The following CCDC57 variants were observed in gnomAD, a reference collection of about 807,000 sequenced individuals.
CCDC57 encodes the protein coiled-coil domain-containing protein 57.
CCDC57 carries 118 observed loss-of-function variants against 118.9 expected under a neutral mutation model. The observed-to-expected ratio is 0.99, with a 90% CI of 0.86 to 1.16. The LOEUF (loss-of-function observed/expected upper bound fraction) is 1.16. CCDC57 is among the 50% of genes most tolerant of loss of function. The pLI is 0.00. For synonymous variants in CCDC57, 527 were observed against 532.9 expected (o/e 0.99, Z 0.15); for missense variants, 1,300 against 1,320.7 (o/e 0.98, Z 0.24).
chr17:82,188,270 G>A lies in CCDC57; in HGVS notation c.1001C>T (p.Ala334Val), dbSNP rs2047224653. Residue 334 changes from alanine (A) to valine (V), a missense_variant, in exon 8 of 20, where the codon GCA becomes GTA. Physicochemically the swap from Ala to Val is moderately conservative, Grantham distance 64. Coordinates refer to ENST00000665763, the Ensembl canonical transcript of CCDC57. ...GGCGGTGTCAGCCTGTCTCCACTCT[G>A]CCCTGCGGAGCTGCGCCTCGAGGGT... 3.2e-6 allele frequency: 5 copies of A among 1,573,588 alleles called. No individual in the cohort carries two copies. In the East Asian group the frequency reaches 7.1e-5, roughly 22 times the overall value.
intron 9 of CCDC57, 33 bp downstream of exon 8, chr17:82,183,741 C>T (rs370756560): frequency 1.3e-6 from 2 of 1,546,726 alleles, no homozygotes; most frequent in Non-Finnish European, 1.7e-6. Flanking sequence ...CATAGGAGAC[C>T]CTCAATGGAA....
intron 19 of CCDC57, among the ~76,000 whole-genome samples, chr17:82,106,922 T>C (rs1404237185): frequency 6.6e-6 from 1 of 152,112 alleles, no homozygotes; most frequent in Non-Finnish European, 1.5e-5. Context: ...GTGGGCACCC[T>C]AGCATCTCAG....
At chr17:82,179,334 C>T (rs2045918108) in intron 9 of CCDC57, 145 bp from the exon 9 acceptor site, 1 of 877,458 alleles carries the variant, frequency 1.1e-6, no homozygotes, top group Non-Finnish European at 1.7e-6. Flanking sequence ...TCCCGAGCTC[C>T]TGTGGATGGG....
At chr17:82,111,192 T>C (rs1192226926) in intron 19 of CCDC57, among the ~76,000 whole-genome samples, 1 of 148,498 alleles carries the variant, frequency 6.7e-6, no homozygotes, top group African/African-American at 2.5e-5. Context: ...GCCTCCTGGG[T>C]TCACGCCATT....
chr17:82,207,039 A>T (rs2049744884), intron 2 of CCDC57, among the ~76,000 whole-genome samples: 1 of 152,180 alleles, frequency 6.6e-6, no homozygotes, highest in African/African-American at 2.4e-5. Context: ...AAATTAGCCA[A>T]AAGATTAGAA....
chr17:82,169,003 T>C lies in CCDC57; in HGVS notation c.1882+2698A>G, dbSNP rs533654562. On this transcript the variant is annotated intron_variant, in intron 13 of 19. Coordinates refer to ENST00000665763, the Ensembl canonical transcript of CCDC57. ...AGTGAAATGCTGAAAGTTCTTCCTC[T>C]GGGATTAGGGAGAAAGACAGCTATT... 2.6e-5 allele frequency among the ~76,000 whole-genome samples: 4 copies of C among 152,300 alleles called. No homozygotes were observed. The South Asian group carries it at 8.3e-4, about 32-fold the overall frequency.
chr17:82,157,452 T>A (rs2042810947), intron 15 of CCDC57: 1 of 1,378,882 alleles, frequency 7.3e-7, no homozygotes, highest in East Asian at 2.7e-5. Flanking sequence ...AGTGTGTGCG[T>A]TTCCAACACA....
At chr17:82,123,001 C>T (rs7406529) in intron 19 of CCDC57, among the ~76,000 whole-genome samples, 79,999 of 151,994 alleles carry the variant, frequency 0.53, 21,873 homozygotes, top group Non-Finnish European at 0.58. Context: ...TGAGACCACA[C>T]TTAAGACCAC....
intron 13 of CCDC57, among the ~76,000 whole-genome samples, chr17:82,167,146 A>G (rs935392359): frequency 1.8e-4 from 27 of 152,298 alleles, no homozygotes; most frequent in African/African-American, 6.3e-4. Flanking sequence ...CCAGCAGGAC[A>G]ATAACAAAAG....
intron 4 of CCDC57, among the ~76,000 whole-genome samples, chr17:82,195,931 C>T (rs2048248786): frequency 6.6e-6 from 1 of 152,202 alleles, no homozygotes; most frequent in Admixed American, 6.5e-5. Context: ...GTCACGTTTC[C>T]TTCTTTCCAG....
At chr17:82,112,478 T>A (rs1184098595) in intron 19 of CCDC57, 1 of 152,466 alleles carries the variant, frequency 6.6e-6, no homozygotes, top group African/African-American at 2.4e-5. Flanking sequence ...TACATGCTCC[T>A]TTCTCCTCTT....
rs775358543 is a variant in CCDC57 at position 82,123,189 on chromosome 17, G to A, written c.2899+4503C>T. 2.7e-4 allele frequency among the ~76,000 whole-genome samples: 38 copies of A among 140,274 alleles called. No individual in the cohort carries two copies. In the Middle Eastern group the frequency reaches 0.012, roughly 43 times the overall value. The allele number at this position is 140,274 out of a possible 152,430, so 92.0% of individuals were successfully genotyped here. ...TCTCACCCAGGCTGGAGTGCAGTGT[G>A]TAATCACAGCTCACTGCGGCCTAGA... is the stretch of plus-strand genomic sequence containing the variant. On this transcript the variant is annotated intron_variant, in intron 19 of 19. Transcript: ENST00000665763.
chr17:82,123,442 G>A (rs764218535), intron 19 of CCDC57, among the ~76,000 whole-genome samples: 25 of 151,692 alleles, frequency 1.6e-4, no homozygotes, highest in Admixed American at 7.9e-4. Context: ...CAATTTTCAT[G>A]TCAGACAAAA....
At chr17:82,176,405 A>G (rs1353521855) in intron 11 of CCDC57, among the ~76,000 whole-genome samples, 1 of 152,182 alleles carries the variant, frequency 6.6e-6, no homozygotes, top group Admixed American at 6.5e-5. Context: ...GAATTAGAAG[A>G]ACCTGTTCTC....
chr17:82,160,336 CAGGTG>C (rs2043164448), intron 14 of CCDC57: 1 of 47,164 alleles, frequency 2.1e-5, no homozygotes, highest in South Asian at 9.5e-4. Context: ...AAAGACAGGC[CAGGTG>C]CAGTGACTCA....
intron 2 of CCDC57, among the ~76,000 whole-genome samples, chr17:82,204,686 G>A (rs2049398383): frequency 6.6e-6 from 1 of 152,182 alleles, no homozygotes. Context: ...GGGAGGCTGA[G>A]GCAGGAGAAT....
chr17:82,203,042 G>A (rs1187837377), intron 2 of CCDC57, among the ~76,000 whole-genome samples: 1 of 152,218 alleles, frequency 6.6e-6, no homozygotes, highest in Non-Finnish European at 1.5e-5. Flanking sequence ...TTGTGGAATT[G>A]TAATCCCCAA....
chr17:82,132,118 C>CAAAAAA (rs58856013), intron 17 of CCDC57, among the ~76,000 whole-genome samples: 3 of 101,918 alleles, frequency 2.9e-5, no homozygotes, highest in African/African-American at 7.3e-5. Flanking sequence ...GACTCTGTCT[C>CAAAAAA]AAAAAAAAAA....
At chr17:82,134,660 G>C (rs1305008965) in intron 16 of CCDC57, among the ~76,000 whole-genome samples, 2 of 152,074 alleles carry the variant, frequency 1.3e-5, no homozygotes, top group East Asian at 1.9e-4. Flanking sequence ...TGGGCGTGGT[G>C]GTGGGCACCT....
Sources: allele counts gnomAD v4.1 joint callset (sites outside exome capture counted in the v4.1 genomes callset), GRCh38; gene constraint gnomAD v4.1.1; transcripts MANE v1.5; gene names NCBI Gene and HGNC (gene_info 2026-07-23, HGNC 2026-07-21).